Variants in API5 observed in about 807,000 individuals in gnomAD.
API5 encodes the protein apoptosis inhibitor 5.
A neutral mutation model predicts 71.9 loss-of-function variants in API5; 6 were observed. That is an observed-to-expected ratio of 0.08 (90% CI 0.05 to 0.16). API5 has a LOEUF of 0.16. API5 is among the 10% of genes least tolerant of loss of function. The pLI, the probability that API5 is intolerant of heterozygous loss-of-function variation, is 1.00. For synonymous variants in API5, 189 were observed against 221.3 expected, an observed-to-expected ratio of 0.85 and a Z score of 1.30; for missense variants, 332 against 612.8, an observed-to-expected ratio of 0.54 and a Z score of 4.84.
In API5 at chr11:43,322,083, G is replaced by C. The variant is rs764546443; in HGVS notation, c.490G>C (p.Asp164His). 2.5e-6 allele frequency: 4 copies of C among 1,613,354 alleles called. No homozygotes were observed. In the East Asian group the frequency reaches 8.9e-5, roughly 36 times the overall value. The change falls in exon 5 of 14, where the codon GAT becomes CAT. Residue 164 changes from aspartate (D) to histidine (H), a missense_variant. This residue lies in a region of API5 where 127 missense variants were observed against 237.6 expected (regional missense o/e 0.53). Transcript: ENST00000531273. ...FLSTKLKTLPDEVLTKEVEEL... is the reference protein window; with the variant it reads ...FLSTKLKTLPHEVLTKEVEEL... ...TTCTACAAAACTTAAGACTTTACCAGATGAAGTCTTAACAAAGGAAGTGGA... is the reference window on the plus strand; with the variant it reads ...TTCTACAAAACTTAAGACTTTACCACATGAAGTCTTAACAAAGGAAGTGGA...
intron 5 of API5, 114 bp downstream of exon 5, chr11:43,322,250 T>A: frequency 1.9e-6 from 2 of 1,027,316 alleles, no homozygotes; most frequent in Non-Finnish European, 2.7e-6. Flanking sequence ...ATATCATATA[T>A]CCCATTGGAA....
chr11:43,320,692 C>A lies in API5; in HGVS notation c.232-129C>A, dbSNP rs770420709. Reference sequence around the variant, plus strand: ...GCTACATTGAGCCATGGTTGCACCACTGCACTCCAACCTGGGCAACAGAGC... The same window carrying A: ...GCTACATTGAGCCATGGTTGCACCAATGCACTCCAACCTGGGCAACAGAGC... On this transcript the variant is annotated intron_variant, in intron 2 of 13. Coordinates refer to ENST00000531273, the MANE Select transcript of API5 (RefSeq NM_001142930.2). 8.4e-5 allele frequency: 63 copies of A among 753,366 alleles called. 1 individual carries two copies. Among genetic ancestry groups the A allele is most frequent in the Admixed American group, 1.0e-4 (4 of 38,198 alleles). The allele number at this position is 753,366 out of a possible 1,614,324, so 46.7% of individuals were successfully genotyped here. A position where few individuals can be genotyped will look rare whatever the true frequency, so the allele number is the denominator to read the frequency against.
rs553588205 is a variant in API5 at position 43,312,063 on chromosome 11, C to A, written c.-65C>A. On this transcript the variant is annotated 5_prime_UTR_variant, in exon 1 of 14. Transcript: ENST00000531273. ...GCGGGTAGTGGGTTTGGAGAAGTTC[C>A]GAGGCGGCGGTGGCGCCGGTCAGGA... The A allele has an allele frequency of 2.5e-6, 4 of 1,580,894 alleles. No homozygotes were observed. The highest frequency in any genetic ancestry group is 1.1e-5 in the South Asian group (1 of 89,468).
intron 13 of API5, among the ~76,000 whole-genome samples, chr11:43,341,283 C>T (rs916060882): frequency 1.3e-5 from 2 of 152,068 alleles, no homozygotes; most frequent in South Asian, 2.1e-4. Context: ...ACATTGGCAC[C>T]CCCATGTTTA....
At position 43,330,059 on chromosome 11, in the gene API5, G is replaced by A; in HGVS notation, c.1221+1G>A. 1 of 1,611,050 alleles carries A rather than the reference G, an allele frequency of 6.2e-7. No individual in the cohort carries two copies. On this transcript the variant is annotated splice_donor_variant, in intron 10 of 13. Coordinates refer to ENST00000531273, the MANE Select transcript of API5 (RefSeq NM_001142930.2). LOFTEE classifies it high-confidence loss of function. ...GGGTGAGGCCTTAAAAACAGAAGAG[G>A]TAAGAATACTGGCTCACATTTCATA...
chr11:43,339,166 G>A (rs1440053066), intron 13 of API5: 1 of 152,118 alleles, frequency 6.6e-6, no homozygotes, highest in African/African-American at 2.4e-5. Flanking sequence ...CTATTATACA[G>A]ATAAATATTA....
intron 11 of API5, among the ~76,000 whole-genome samples, chr11:43,333,479 A>G (rs1425591683): frequency 6.6e-6 from 1 of 152,192 alleles, no homozygotes; most frequent in East Asian, 1.9e-4. Context: ...CTGAGGTGCT[A>G]AAAAGAATGA....
At position 43,318,301 on chromosome 11, in the gene API5, G is replaced by A. The variant is rs1410115368; in HGVS notation, c.70-339G>A. The stretch of plus-strand genomic sequence containing the variant: ...TGGGATTACAGGCGTGAGCCACCAC[G>A]CCTGGCCCATTACAAATTTTTTAAG... On this transcript the variant is annotated intron_variant, in intron 1 of 13. Transcript: ENST00000531273. The A allele has an allele frequency of 4.2e-5, 40 of 956,152 alleles. No homozygotes were observed. In the East Asian group the frequency reaches 5.0e-4, roughly 12 times the overall value. The allele number at this position is 956,152 out of a possible 1,614,324, so 59.2% of individuals were successfully genotyped here. A position where few individuals can be genotyped will look rare whatever the true frequency, so the allele number is the denominator to read the frequency against.
intron 1 of API5, among the ~76,000 whole-genome samples, chr11:43,318,078 C>T (rs1854736570): frequency 6.6e-6 from 1 of 151,998 alleles, no homozygotes; most frequent in Non-Finnish European, 1.5e-5. Context: ...AGTACGATCT[C>T]AGCTCACTGC....
intron 1 of API5, among the ~76,000 whole-genome samples, chr11:43,313,722 A>G (rs1050710473): frequency 1.3e-5 from 2 of 152,196 alleles, no homozygotes; most frequent in Non-Finnish European, 2.9e-5. Context: ...TAAGAAATGT[A>G]TACGGATGTT....
At chr11:43,325,054 A>C (rs1855023148) in intron 6 of API5, among the ~76,000 whole-genome samples, 1 of 152,156 alleles carries the variant, frequency 6.6e-6, no homozygotes, top group Non-Finnish European at 1.5e-5. Flanking sequence ...ATGACTTTGC[A>C]GTAAAGTATA....
intron 7 of API5, among the ~76,000 whole-genome samples, chr11:43,327,487 G>A (rs963829018): frequency 7.2e-5 from 11 of 152,160 alleles, no homozygotes; most frequent in South Asian, 2.1e-4. Flanking sequence ...AGAAAGTGTC[G>A]TATGTATTAT....
chr11:43,318,847 G>A (rs370680490), intron 2 of API5, 46 bp downstream of exon 2: 470 of 1,561,284 alleles, frequency 3.0e-4, no homozygotes, highest in Non-Finnish European at 3.7e-4. Context: ...AGATGTTTCT[G>A]TATGTGGCTG....
chr11:43,322,734 A>G (rs1854937495), intron 5 of API5, among the ~76,000 whole-genome samples: 1 of 152,214 alleles, frequency 6.6e-6, no homozygotes. Flanking sequence ...GATCACTGTT[A>G]TGGTTCAGGC....
At chr11:43,326,304 C>A (rs141323736) in intron 6 of API5, among the ~76,000 whole-genome samples, 9 of 151,994 alleles carry the variant, frequency 5.9e-5, no homozygotes, top group African/African-American at 2.2e-4. Flanking sequence ...CTTTTTATTC[C>A]ATTTTTCCAT....
chr11:43,335,470 A>G (rs5743252), intron 12 of API5, 116 bp downstream of exon 12: 46,473 of 635,012 alleles, frequency 0.073, 2,587 homozygotes, highest in Middle Eastern at 0.098. Flanking sequence ...AAATATGACT[A>G]TTAGAAATAT....
At chr11:43,337,137 A>T (rs1012646337) in intron 13 of API5, among the ~76,000 whole-genome samples, 2 of 151,924 alleles carry the variant, frequency 1.3e-5, no homozygotes, top group Non-Finnish European at 2.9e-5. Flanking sequence ...CAGCCTGGGG[A>T]ACAAAGCGAG....
At chr11:43,312,711 C>T (rs1854523364) in intron 1 of API5, among the ~76,000 whole-genome samples, 1 of 152,062 alleles carries the variant, frequency 6.6e-6, no homozygotes, top group Non-Finnish European at 1.5e-5. Context: ...CTCACGGTTT[C>T]ATTTATTCAG....
In API5 at chr11:43,343,484, G is replaced by A. The variant is rs1855689165; in HGVS notation, c.*974G>A. On this transcript the variant is annotated 3_prime_UTR_variant, in exon 14 of 14. Coordinates refer to ENST00000531273, the MANE Select transcript of API5 (RefSeq NM_001142930.2). ...TAACAACCAAAATACTGAATCTGAT[G>A]TACATACAGGTTTCTACAGGAAGAG... 2 of 152,698 alleles carry A rather than the reference G, an allele frequency of 1.3e-5. No individual in the cohort carries two copies. Among genetic ancestry groups the A allele is most frequent in the African/African-American group, 4.8e-5 (2 of 41,566 alleles). 9.5% of individuals were successfully genotyped at this position (152,698 alleles called of 1,614,324 possible). A position where few individuals can be genotyped will look rare whatever the true frequency, so the allele number is the denominator to read the frequency against.
Sources: gnomAD v4.1 joint callset for allele counts (sites outside exome capture counted in the v4.1 genomes callset) on GRCh38, gnomAD v4.1.1 for gene constraint, gnomAD v4.1.1 regional missense constraint, MANE v1.5 for transcripts, NCBI Gene and HGNC (gene_info 2026-07-23, HGNC 2026-07-21) for gene names.